ANO6: variants seen among roughly 807,000 people sequenced by gnomAD.
The protein encoded by ANO6 is anoctamin 6.
In ANO6, 106 loss-of-function variants were observed where a neutral mutation model predicts 117.5. The observed-to-expected ratio is 0.90, with a 90% CI of 0.77 to 1.06. The LOEUF (loss-of-function observed/expected upper bound fraction) is 1.06, where lower values mean the gene tolerates loss of function less well. ANO6 is among the 50% of genes least tolerant of loss of function. The pLI, the probability that ANO6 is intolerant of heterozygous loss-of-function variation, is 0.00. For missense variants in ANO6, 955 were observed against 1,121.1 expected, an observed-to-expected ratio of 0.85 and a Z score of 2.12; for synonymous variants, 367 against 385.1, an observed-to-expected ratio of 0.95 and a Z score of 0.55.
chr12:45,374,341 T>C (rs1172078911), intron 9 of ANO6, among the ~76,000 whole-genome samples: 6 of 78,252 alleles, frequency 7.7e-5, no homozygotes, highest in Non-Finnish European at 7.5e-5. Flanking sequence ...GAATCCTCCC[T>C]AACTCATTTT....
At chr12:45,437,319 A>C (rs1330995103), downstream of ANO6, among the ~76,000 whole-genome samples, 4 of 152,250 alleles carry the variant, frequency 2.6e-5, no homozygotes, top group Non-Finnish European at 5.9e-5. Context: ...AGCAGGTATG[A>C]GCATCTAGCC....
At chr12:45,332,072 T>C (rs1287591767) in intron 3 of ANO6, among the ~76,000 whole-genome samples, 3 of 152,082 alleles carry the variant, frequency 2.0e-5, no homozygotes, top group Non-Finnish European at 4.4e-5. Context: ...CACCAAGCTT[T>C]TTTAAGTAAA....
chr12:45,408,494 T>C (rs1331657986), intron 15 of ANO6, among the ~76,000 whole-genome samples: 3 of 152,030 alleles, frequency 2.0e-5, no homozygotes, highest in Admixed American at 6.5e-5. Flanking sequence ...AAAGAGACAG[T>C]GGGTAGCTCA....
intron 1 of ANO6, among the ~76,000 whole-genome samples, chr12:45,251,037 C>T (rs1273623647): frequency 6.6e-6 from 1 of 151,638 alleles, no homozygotes; most frequent in African/African-American, 2.4e-5. Flanking sequence ...AGCGCTTCAA[C>T]CTGGGCAACA....
At chr12:45,270,624 G>A (rs915571094) in intron 1 of ANO6, 1 of 472,296 alleles carries the variant, frequency 2.1e-6, no homozygotes, top group Non-Finnish European at 3.7e-6. Flanking sequence ...TGTTATTTCT[G>A]TAACAGTAGT....
chr12:45,248,537 A>G (rs1161896697), intron 1 of ANO6, among the ~76,000 whole-genome samples: 7 of 149,480 alleles, frequency 4.7e-5, no homozygotes, highest in East Asian at 2.0e-4. Context: ...AGGTTCAAAC[A>G]GTTCTCCTGC....
chr12:45,348,546 A>G lies in ANO6; in HGVS notation c.662A>G (p.Tyr221Cys). ...IVYFILSRVK[Y>C]QVINNVSKFG... ...TACTTCATCCTCTCTCGGGTCAAGT[A>G]TCAAGTGATAAACAATGTTAGCAAG... is the stretch of plus-strand genomic sequence containing the variant. Residue 221 changes from tyrosine (Y) to cysteine (C), a missense_variant, in exon 6 of 20, where the codon TAT becomes TGT. Tyr to Cys is a radical substitution (Grantham distance 194). Transcript: ENST00000320560. 2 of 1,614,020 alleles carry G rather than the reference A, an allele frequency of 1.2e-6. No individual in the cohort carries two copies. Among genetic ancestry groups the G allele is most frequent in the South Asian group, 1.1e-5 (1 of 91,086 alleles).
intron 19 of ANO6, chr12:45,439,570 G>A (rs1943746568): frequency 9.3e-7 from 1 of 1,073,812 alleles, no homozygotes; most frequent in Non-Finnish European, 1.2e-6. Flanking sequence ...ATTCTCAAAG[G>A]TAAATACTAA....
At chr12:45,426,272 C>G (rs1943499925) in intron 19 of ANO6, among the ~76,000 whole-genome samples, 1 of 152,208 alleles carries the variant, frequency 6.6e-6, no homozygotes, top group African/African-American at 2.4e-5. Context: ...TAAATATTCC[C>G]TACCTCAGAA....
rs1482826007 is a variant in ANO6, at chr12:45,385,046, G to A, written c.1166-3115G>A. Among the ~76,000 whole-genome samples, 4 of 152,206 alleles carry A rather than the reference G, an allele frequency of 2.6e-5. No homozygotes were observed. The South Asian group carries it at 6.3e-4, about 24-fold the overall frequency. On this transcript the variant is annotated intron_variant, in intron 10 of 19. Coordinates refer to ENST00000320560, the MANE Select transcript of ANO6 (RefSeq NM_001025356.3). Reference sequence around the variant, plus strand: ...AGTGGATTATTCCCCAGGTGGTGGGGGTCCTCCAGTTTCTGGGTGGTTTCC... The same window carrying A: ...AGTGGATTATTCCCCAGGTGGTGGGAGTCCTCCAGTTTCTGGGTGGTTTCC...
rs756474608 is a variant in ANO6, at chr12:45,348,632, G to A, written c.747+1G>A. The A allele has an allele frequency of 2.4e-5, 39 of 1,611,842 alleles. 1 individual carries two copies. Among genetic ancestry groups the A allele is most frequent in the Non-Finnish European group, 3.3e-5 (39 of 1,178,162 alleles). On this transcript the variant is annotated splice_donor_variant, in intron 6 of 19. Transcript: ENST00000320560. LOFTEE classifies it high-confidence loss of function. ...CAAGGCAGCTTTCCCACTCCATGAT[G>A]TAAGTTAAAAGGCAAAAATGAACTA...
At chr12:45,285,974 G>C (rs1938901938) in intron 1 of ANO6, among the ~76,000 whole-genome samples, 1 of 152,114 alleles carries the variant, frequency 6.6e-6, no homozygotes, top group Non-Finnish European at 1.5e-5. Flanking sequence ...TAGCCATTGC[G>C]GTTGCTACCC....
intron 2 of ANO6, among the ~76,000 whole-genome samples, chr12:45,327,496 A>T (rs1411629206): frequency 6.6e-6 from 1 of 152,242 alleles, no homozygotes; most frequent in Non-Finnish European, 1.5e-5. Flanking sequence ...AGCAGTGTTT[A>T]TAAAGGCAGA....
chr12:45,274,214 T>C (rs1236636421), intron 1 of ANO6, among the ~76,000 whole-genome samples: 1 of 152,206 alleles, frequency 6.6e-6, no homozygotes, highest in East Asian at 1.9e-4. Flanking sequence ...CATCTGTATG[T>C]GGATGACTTC....
chr12:45,375,749 A>G (rs1326170656), intron 9 of ANO6, among the ~76,000 whole-genome samples: 1 of 151,176 alleles, frequency 6.6e-6, no homozygotes, highest in African/African-American at 2.4e-5. Flanking sequence ...AACCATAAAA[A>G]CCCTAGAAGA....
At chr12:45,321,132 A>G (rs1237395587) in intron 2 of ANO6, among the ~76,000 whole-genome samples, 2 of 152,138 alleles carry the variant, frequency 1.3e-5, no homozygotes, top group South Asian at 2.1e-4. Context: ...TAAAAGTTGC[A>G]ATATATTGTT....
At chr12:45,436,544 CA>C (rs1943709100), downstream of ANO6, among the ~76,000 whole-genome samples, 1 of 152,156 alleles carries the variant, frequency 6.6e-6, no homozygotes, top group African/African-American at 2.4e-5. Context: ...ACAGGATCAA[CA>C]TGAGTAATCC....
chr12:45,317,113 G>GTGTGTGTGTATATATA lies in ANO6; in HGVS notation c.151-14181_151-14180insGTGTGTGTATATATAT. 5.2e-3 allele frequency among the ~76,000 whole-genome samples: 347 copies of GTGTGTGTGTATATATA among 66,472 alleles called. 62 individuals are homozygous for GTGTGTGTGTATATATA. The highest frequency in any genetic ancestry group is 9.2e-3 in the Non-Finnish European group (251 of 27,172). 43.6% of individuals were successfully genotyped at this position (66,472 alleles called of 152,430 possible). ...AAAGACAGCTGGATTCTTTTTATAT[G>GTGTGTGTGTATATATA]TATATATATATATATATATTTATTA... On this transcript the variant is annotated intron_variant, in intron 2 of 19. Coordinates refer to ENST00000320560, the MANE Select transcript of ANO6 (RefSeq NM_001025356.3).
intron 7 of ANO6, 96 bp downstream of exon 7, chr12:45,350,870 G>A (rs1941262889): frequency 9.5e-7 from 1 of 1,052,240 alleles, no homozygotes; most frequent in South Asian, 1.3e-5. Flanking sequence ...TCTTGCCAGT[G>A]AAGGGAGCTG....
Sources: allele counts gnomAD v4.1 joint callset (sites outside exome capture counted in the v4.1 genomes callset), GRCh38; gene constraint gnomAD v4.1.1; transcripts MANE v1.5; gene names NCBI Gene and HGNC (gene_info 2026-07-23, HGNC 2026-07-21).